Variants in HERC2 observed in about 807,000 individuals in gnomAD.
The protein encoded by HERC2 is E3 ubiquitin-protein ligase HERC2.
Under a neutral mutation model 537.7 loss-of-function variants are expected in HERC2, and 102 were observed. The ratio of observed to expected loss-of-function variants is 0.19; its 90% confidence interval spans 0.16 to 0.22. The LOEUF is 0.22. Ranked by LOEUF, HERC2 falls within the 10% of genes least tolerant of loss-of-function variation. HERC2 has a pLI of 1.00. For missense variants in HERC2, 4,236 were observed against 6,198.2 expected (o/e 0.68, Z 10.63); for synonymous variants, 2,224 against 2,466.2 (o/e 0.90, Z 2.91).
chr15:28,177,391 C>G lies in HERC2; in HGVS notation c.9254+28G>C. 6.3e-7 allele frequency: 1 copy of G among 1,583,916 alleles called. No homozygotes were observed. The highest frequency in any genetic ancestry group is 8.7e-7 in the Non-Finnish European group (1 of 1,152,706). The stretch of plus-strand genomic sequence containing the variant: ...TCAGTCAGAAACAGTTTCTTATTAG[C>G]AAATGAGACTAAAAAAAGTACCCTT... On this transcript the variant is annotated intron_variant, in intron 60 of 92. Transcript: ENST00000261609. The surrounding 1 kb of genome is among the most constrained non-coding windows in gnomAD (Gnocchi z 5.0).
Position 28,190,949 on chromosome 15 carries a change from T to C in HERC2, c.8649+16A>G, listed in dbSNP as rs775487117. The C allele has an allele frequency of 2.0e-6, 3 of 1,538,198 alleles. No homozygotes were observed. Among genetic ancestry groups the C allele is most frequent in the African/African-American group, 2.7e-5 (2 of 73,336 alleles). On this transcript the variant is annotated intron_variant, in intron 55 of 92. Coordinates refer to ENST00000261609, the MANE Select transcript of HERC2 (RefSeq NM_004667.6). ...TCTGTAAATCATCCAAATGGAACACTAGCATAGCTACTTACCTCTGTGCAG... is the reference window on the plus strand; with the variant it reads ...TCTGTAAATCATCCAAATGGAACACCAGCATAGCTACTTACCTCTGTGCAG...
intron 4 of HERC2, among the ~76,000 whole-genome samples, chr15:28,283,514 T>C (rs1416138298): frequency 3.9e-5 from 6 of 152,000 alleles, no homozygotes; most frequent in Non-Finnish European, 7.4e-5. Flanking sequence ...TGAAACAGAA[T>C]TTGTCACCAG....
intron 19 of HERC2, 77 bp from the exon 20 acceptor site, chr15:28,254,595 A>G (rs2140884300): frequency 2.1e-6 from 2 of 958,100 alleles, no homozygotes; most frequent in South Asian, 1.7e-5. Context: ...GCTGAGCCCT[A>G]ACCCCAGTGC....
intron 5 of HERC2, among the ~76,000 whole-genome samples, chr15:28,279,615 CCACACACACA>C (rs58447102): frequency 5.7e-5 from 8 of 141,584 alleles, no homozygotes; most frequent in South Asian, 2.3e-4. Context: ...GACCCCATCT[CCACACACACA>C]CACACACACA....
chr15:28,237,680 C>T (rs1227813864), intron 25 of HERC2, among the ~76,000 whole-genome samples: 1 of 152,208 alleles, frequency 6.6e-6, no homozygotes, highest in Non-Finnish European at 1.5e-5. Context: ...CATCTTATTA[C>T]TTGTCGATAC....
intron 52 of HERC2, among the ~76,000 whole-genome samples, chr15:28,192,640 T>A (rs1268149095): frequency 6.6e-6 from 1 of 151,658 alleles, no homozygotes; most frequent in East Asian, 1.9e-4. Flanking sequence ...CAGGAGAAAA[T>A]AAAGAATTAC....
chr15:28,228,126 C>G (rs1399248412), intron 35 of HERC2, 92 bp downstream of exon 35: 1 of 1,095,184 alleles, frequency 9.1e-7, no homozygotes, highest in East Asian at 2.6e-5. Flanking sequence ...TTACAAAAAG[C>G]TTTAAAAAAA....
chr15:28,268,014 G>A lies in HERC2; in HGVS notation c.1598+451C>T, dbSNP rs1414218024. Among the ~76,000 whole-genome samples the A allele has an allele frequency of 6.6e-6, 1 of 152,174 alleles. No individual in the cohort carries two copies. The highest frequency in any genetic ancestry group is 1.5e-5 in the Non-Finnish European group (1 of 68,010). Reference sequence around the variant, plus strand: ...TTTATAACAACTTTCTGTTTCATTTGTTCTTTCACAATAAAAGGTTCCACT... The same window carrying A: ...TTTATAACAACTTTCTGTTTCATTTATTCTTTCACAATAAAAGGTTCCACT... On this transcript the variant is annotated intron_variant, in intron 12 of 92. Transcript: ENST00000261609. This position sits in a 1 kb window ranked among gnomAD's most constrained non-coding sequence, Gnocchi z 4.7.
At chr15:28,173,783 C>T (rs1403578432) in intron 65 of HERC2, among the ~76,000 whole-genome samples, 1 of 142,418 alleles carries the variant, frequency 7.0e-6, no homozygotes, top group African/African-American at 2.7e-5. Context: ...AGAGTGAGAC[C>T]CTGTCTACAA....
intron 65 of HERC2, among the ~76,000 whole-genome samples, chr15:28,174,184 T>C (rs112483884): frequency 0.074 from 11,122 of 150,234 alleles, 399 homozygotes; most frequent in Admixed American, 0.17. Flanking sequence ...TGATCATAAA[T>C]ACAAGAATCA....
chr15:28,315,479 C>T (rs1303784934), intron 2 of HERC2, among the ~76,000 whole-genome samples: 1 of 152,244 alleles, frequency 6.6e-6, no homozygotes, highest in Non-Finnish European at 1.5e-5. Flanking sequence ...AAATAACTAC[C>T]TTTAATAGGG....
At position 28,131,041 on chromosome 15, in the gene HERC2, C is replaced by T. The variant is rs1000618661; in HGVS notation, c.12571-447G>A. Among the ~76,000 whole-genome samples, 10 of 152,316 alleles carry T rather than the reference C, an allele frequency of 6.6e-5. No individual in the cohort carries two copies. In the South Asian group the frequency reaches 1.9e-3, roughly 28 times the overall value. Reference sequence around the variant, plus strand: ...AAAAGCACTGGGCCCCACCCACCCTCCACACTGCACACCTGCCAGCCAACT... The same window carrying T: ...AAAAGCACTGGGCCCCACCCACCCTTCACACTGCACACCTGCCAGCCAACT... On this transcript the variant is annotated intron_variant, in intron 81 of 92. Transcript: ENST00000261609.
chr15:28,262,918 C>T lies in HERC2; in HGVS notation c.2122G>A (p.Gly708Arg). Residue 708 changes from glycine (G) to arginine (R), a missense_variant and splice_region_variant, in exon 15 of 93, where the codon GGG (glycine) becomes AGG (arginine). Gly to Arg is a moderately radical substitution (Grantham distance 125). Transcript: ENST00000261609. ...TTTAAAAGTTTACATTTGCACTCAC[C>T]TTGCAAGCCTTCTAAGAGTTTTGGA... ...RYPKLLEGLQ[G>R]KKVIDVAAGS... The T allele has an allele frequency of 6.2e-7, 1 of 1,613,442 alleles. No homozygotes were observed. The highest frequency in any genetic ancestry group is 8.5e-7 in the Non-Finnish European group (1 of 1,179,490).
At chr15:28,202,726 A>G in intron 45 of HERC2, 112 bp from the exon 46 acceptor site, 1 of 402,012 alleles carries the variant, frequency 2.5e-6, no homozygotes, top group East Asian at 3.5e-5. Flanking sequence ...ATGCAAGTCT[A>G]GAAAGCCCGC....
At position 28,265,757 on chromosome 15, in the gene HERC2, C is replaced by A. The variant is rs2075547146; in HGVS notation, c.1757-26G>T. On this transcript the variant is annotated intron_variant, in intron 13 of 92. Transcript: ENST00000261609. This position sits in a 1 kb window ranked among gnomAD's most constrained non-coding sequence, Gnocchi z 4.0. Reference sequence around the variant, plus strand: ...CTTCAAACAGATAGGACGGCGGTTACTAAGTCCTGTAAGAGGCCACCTCCT... The same window carrying A: ...CTTCAAACAGATAGGACGGCGGTTAATAAGTCCTGTAAGAGGCCACCTCCT... 2 of 1,614,078 alleles carry A rather than the reference C, an allele frequency of 1.2e-6. No homozygotes were observed. The highest frequency in any genetic ancestry group is 4.5e-5 in the East Asian group (2 of 44,848).
chr15:28,134,766 A>G, intron 79 of HERC2, among the ~76,000 whole-genome samples: 1 of 149,536 alleles, frequency 6.7e-6, no homozygotes, highest in Non-Finnish European at 1.5e-5. Context: ...GCAGTGGCGC[A>G]ATCTCGGCTC....
In HERC2 at chr15:28,198,581, T is replaced by G. The variant is rs2140316462; in HGVS notation, c.7885+20A>C. On this transcript the variant is annotated intron_variant, in intron 49 of 92. Transcript: ENST00000261609. Reference sequence around the variant, plus strand: ...TGTCTCTAAGAAAAAACAAAAGCACTGAACAAAGAATGTGCTCACCTATAA... The same window carrying G: ...TGTCTCTAAGAAAAAACAAAAGCACGGAACAAAGAATGTGCTCACCTATAA... 6.2e-7 allele frequency: 1 copy of G among 1,610,120 alleles called. No individual in the cohort carries two copies. The highest frequency in any genetic ancestry group is 1.1e-5 in the South Asian group (1 of 90,560).
At chr15:28,238,456 T>G in intron 24 of HERC2, 146 bp downstream of exon 24, 1 of 718,786 alleles carries the variant, frequency 1.4e-6, no homozygotes, top group Non-Finnish European at 2.3e-6. Context: ...GCTGAATTTG[T>G]TGATAAGACA....
At chr15:28,292,165 A>G (rs1202288351) in intron 4 of HERC2, among the ~76,000 whole-genome samples, 14 of 137,300 alleles carry the variant, frequency 1.0e-4, no homozygotes, top group African/African-American at 2.7e-4. Flanking sequence ...GGAGGTGGAG[A>G]TTGCAATGAG....
Sources: allele counts gnomAD v4.1 joint callset (sites outside exome capture counted in the v4.1 genomes callset), GRCh38; gene constraint gnomAD v4.1.1; non-coding constraint Gnocchi (gnomAD v3.1); transcripts MANE v1.5; gene names NCBI Gene and HGNC (gene_info 2026-07-23, HGNC 2026-07-21).